The following CCDC171 variants were observed in gnomAD, a reference collection of about 807,000 sequenced individuals.
CCDC171 encodes coiled-coil domain containing 171.
Under a neutral mutation model 168.2 loss-of-function variants are expected in CCDC171, and 177 were observed. The observed-to-expected ratio is 1.05, with a 90% CI of 0.93 to 1.19. The LOEUF is 1.19. CCDC171 is among the 50% of genes most tolerant of loss of function. The pLI is 0.00. For missense variants in CCDC171, 1,991 were observed against 1,539.0 expected, an observed-to-expected ratio of 1.29 and a Z score of -4.91; for synonymous variants, 687 against 540.8, an observed-to-expected ratio of 1.27 and a Z score of -3.75.
chr9:15,779,441 C>T (rs2057540049), intron 20 of CCDC171, among the ~76,000 whole-genome samples: 1 of 152,048 alleles, frequency 6.6e-6, no homozygotes, highest in African/African-American at 2.4e-5. Flanking sequence ...CTCACTGCAA[C>T]CTCTGCCCCC....
At chr9:15,624,731 G>C (rs1264881498) in intron 7 of CCDC171, among the ~76,000 whole-genome samples, 2 of 152,134 alleles carry the variant, frequency 1.3e-5, no homozygotes, top group African/African-American at 2.4e-5. Context: ...ATTTGGGTTG[G>C]TTCCAAGTCT....
chr9:15,997,715 C>A (rs1832416074), intron 3 of CCDC171, among the ~76,000 whole-genome samples: 1 of 152,166 alleles, frequency 6.6e-6, no homozygotes, highest in African/African-American at 2.4e-5. Context: ...AGGGAATTAC[C>A]TGGTGGCAGT....
At chr9:15,891,129 G>T (rs1445300349) in intron 24 of CCDC171, among the ~76,000 whole-genome samples, 1 of 152,066 alleles carries the variant, frequency 6.6e-6, no homozygotes, top group South Asian at 2.1e-4. Context: ...TTAATATAAA[G>T]AAACCAATTA....
chr9:16,000,159 C>A (rs1832497234), intron 3 of CCDC171, among the ~76,000 whole-genome samples: 1 of 152,176 alleles, frequency 6.6e-6, no homozygotes, highest in South Asian at 2.1e-4. Flanking sequence ...TGCTCCCCAA[C>A]CCCTAGTCCT....
intron 18 of CCDC171, among the ~76,000 whole-genome samples, chr9:15,753,890 T>C (rs2055922730): frequency 6.6e-6 from 1 of 152,174 alleles, no homozygotes. Context: ...AGGAATATTA[T>C]TGGACTGACA....
chr9:15,661,289 A>AT (rs201184490), intron 8 of CCDC171, among the ~76,000 whole-genome samples: 7 of 142,946 alleles, frequency 4.9e-5, no homozygotes, highest in Non-Finnish European at 1.5e-5. Flanking sequence ...CAAAAAAAAA[A>AT]AAAAAAAAAA....
rs186566913 is a variant in CCDC171 at position 16,050,328 on chromosome 9, C to T, written n.89+7442C>T. On this transcript the variant is annotated intron_variant and non_coding_transcript_variant, in intron 1 of 1. Transcript: ENST00000478913. ...TGTAAAAGCATAAATTGCTTAATTGCAATCGCCAAGCAATAATCCAGTTTG... is the reference window on the plus strand; with the variant it reads ...TGTAAAAGCATAAATTGCTTAATTGTAATCGCCAAGCAATAATCCAGTTTG... Among the ~76,000 whole-genome samples, 32 of 152,304 alleles carry T rather than the reference C, an allele frequency of 2.1e-4. No homozygotes were observed. In the East Asian group the frequency reaches 6.2e-3, roughly 29 times the overall value.
chr9:15,591,271 T>C, intron 4 of CCDC171, 95 bp from the exon 5 acceptor site: 1 of 704,048 alleles, frequency 1.4e-6, no homozygotes, highest in Non-Finnish European at 2.4e-6. Flanking sequence ...CCTAAGATCA[T>C]GCTGTAAATG....
At chr9:16,036,670 A>G (rs1833475763) in intron 8 of CCDC171, among the ~76,000 whole-genome samples, 2 of 152,146 alleles carry the variant, frequency 1.3e-5, no homozygotes, top group African/African-American at 4.8e-5. Flanking sequence ...CAAAAAACAA[A>G]TTTACCTATC....
At chr9:15,613,136 C>G (rs932452007) in intron 6 of CCDC171, among the ~76,000 whole-genome samples, 1 of 152,266 alleles carries the variant, frequency 6.6e-6, no homozygotes, top group African/African-American at 2.4e-5. Context: ...AACTGACGGA[C>G]TGTTTTCTAA....
rs1296988995 is a variant in CCDC171 at position 15,623,448 on chromosome 9, T to A, written c.822+35T>A. ...CTCATTCCTTTATAATATATATGCGTACAAACTTTCACATATGCGCGCGCG... is the reference window on the plus strand; with the variant it reads ...CTCATTCCTTTATAATATATATGCGAACAAACTTTCACATATGCGCGCGCG... On this transcript the variant is annotated intron_variant, in intron 7 of 25. Coordinates refer to ENST00000380701, the MANE Select transcript of CCDC171 (RefSeq NM_173550.4). The A allele has an allele frequency of 6.1e-6, 8 of 1,307,576 alleles. No individual in the cohort carries two copies. In the Admixed American group the frequency reaches 1.8e-4, roughly 30 times the overall value. 81.0% of individuals were successfully genotyped at this position (1,307,576 alleles called of 1,614,324 possible). A position where few individuals can be genotyped will look rare whatever the true frequency, so the allele number is the denominator to read the frequency against.
At chr9:16,051,395 C>T (rs926733587) in intron 1 of CCDC171, among the ~76,000 whole-genome samples, 20 of 152,146 alleles carry the variant, frequency 1.3e-4, no homozygotes, top group African/African-American at 4.8e-4. Context: ...CCAGGCTATC[C>T]TCTCTCTCCC....
At chr9:15,729,849 A>G (rs1290656443) in intron 16 of CCDC171, 51 bp downstream of exon 16, 5 of 1,474,202 alleles carry the variant, frequency 3.4e-6, no homozygotes, top group African/African-American at 1.4e-5. Context: ...CAGTGTAACC[A>G]TTAGAAACTT....
intron 25 of CCDC171, among the ~76,000 whole-genome samples, chr9:15,945,685 G>C (rs929744022): frequency 1.3e-4 from 19 of 150,652 alleles, no homozygotes; most frequent in Non-Finnish European, 2.4e-4. Context: ...CTTCTTTTGA[G>C]TAGTGTCTGT....
At chr9:15,630,726 T>C (rs1012197288) in intron 7 of CCDC171, among the ~76,000 whole-genome samples, 10 of 151,950 alleles carry the variant, frequency 6.6e-5, no homozygotes, top group African/African-American at 2.2e-4. Context: ...AATATACATT[T>C]TTTTCAGCAC....
intron 6 of CCDC171, among the ~76,000 whole-genome samples, chr9:15,622,051 G>A (rs1301371480): frequency 2.0e-5 from 3 of 152,160 alleles, no homozygotes; most frequent in South Asian, 2.1e-4. Context: ...AATACCACAT[G>A]TTCTCACTTC....
At chr9:15,683,757 T>C (rs1564203936) in intron 10 of CCDC171, among the ~76,000 whole-genome samples, 1 of 152,030 alleles carries the variant, frequency 6.6e-6, no homozygotes, top group African/African-American at 2.4e-5. Flanking sequence ...ATTTTTCACC[T>C]GGGAAAAATA....
chr9:15,791,970 T>G (rs200185851), intron 21 of CCDC171, among the ~76,000 whole-genome samples: 2 of 152,132 alleles, frequency 1.3e-5, no homozygotes, highest in Non-Finnish European at 2.9e-5. Context: ...CAAAGCTGGA[T>G]GGAGAATGAC....
At chr9:15,910,898 A>G (rs1292060037) in intron 24 of CCDC171, among the ~76,000 whole-genome samples, 2 of 152,164 alleles carry the variant, frequency 1.3e-5, no homozygotes, top group Non-Finnish European at 2.9e-5. Context: ...ATGGCTGCAT[A>G]GTATTCCATG....
Sources: allele counts gnomAD v4.1 joint callset (sites outside exome capture counted in the v4.1 genomes callset), GRCh38; gene constraint gnomAD v4.1.1; transcripts MANE v1.5; gene names NCBI Gene and HGNC (gene_info 2026-07-23, HGNC 2026-07-21).